POP4: variants seen among roughly 807,000 people sequenced by gnomAD.
POP4 encodes the protein ribonuclease P protein subunit p29.
POP4 carries 31 observed loss-of-function variants against 29.9 expected under a neutral mutation model. The ratio of observed to expected loss-of-function variants is 1.04; its 90% CI spans 0.78 to 1.40. The LOEUF is 1.40. Among genes scored for constraint, POP4 ranks in the 40% most tolerant of loss-of-function variants. The pLI is 0.00. For missense variants in POP4, 286 were observed against 282.7 expected (o/e 1.01, Z -0.08); for synonymous variants, 110 against 108.2 (o/e 1.02, Z -0.10).
In POP4 at chr19:29,615,554, G is replaced by A; in HGVS notation, c.*174G>A. 1 of 592,752 alleles carries A rather than the reference G, an allele frequency of 1.7e-6. No individual in the cohort carries two copies. Among genetic ancestry groups the A allele is most frequent in the South Asian group, 3.1e-5 (1 of 32,070 alleles). 36.7% of individuals were successfully genotyped at this position (592,752 alleles called of 1,614,324 possible). A position where few individuals can be genotyped will look rare whatever the true frequency, so the allele number is the denominator to read the frequency against. On this transcript the variant is annotated 3_prime_UTR_variant, in exon 7 of 7. Coordinates refer to ENST00000585603, the MANE Select transcript of POP4 (RefSeq NM_006627.3). ...ATGGGAAGGTCGCAGCGTACTAAGT[G>A]AAGAAGTCAGAGGACAGAGGAATTT...
rs1027930837 is a variant in POP4, at chr19:29,607,981, G to T, written c.8-676G>T. Among the ~76,000 whole-genome samples, 10 of 152,342 alleles carry T rather than the reference G, an allele frequency of 6.6e-5. 1 individual carries two copies. The South Asian group carries it at 2.1e-3, about 32-fold the overall frequency. On this transcript the variant is annotated intron_variant, in intron 1 of 6. Coordinates refer to ENST00000585603, the MANE Select transcript of POP4 (RefSeq NM_006627.3). ...TCAAAATGTGATTCACTGACCTGCA[G>T]TAGTATCTGGGAATATGTTAAACAC...
chr19:29,610,469 C>A lies in POP4; in HGVS notation c.121C>A (p.Arg41Ser). 1 of 1,603,048 alleles carries A rather than the reference C, an allele frequency of 6.2e-7. No homozygotes were observed. The highest frequency in any genetic ancestry group is 8.5e-7 in the Non-Finnish European group (1 of 1,175,006). ...GGCCTTCCTGAAGCGCAGCACGCCC[C>A]GCATGAGCCCGCAGGCCCGCGAGGA... ...VRAFLKRSTP[R>S]MSPQAREDQL... is the part of the protein sequence containing the mutation. The change falls in exon 3 of 7, where the codon CGC becomes AGC. Residue 41 changes from arginine to serine, a missense_variant. By Grantham distance (110) the Arg-to-Ser change is moderately radical (BLOSUM62 -1). Coordinates refer to ENST00000585603, the MANE Select transcript of POP4 (RefSeq NM_006627.3).
intron 1 of POP4, among the ~76,000 whole-genome samples, chr19:29,608,298 A>ACT (rs1420450688): frequency 8.8e-6 from 1 of 113,628 alleles, no homozygotes; most frequent in Non-Finnish European, 1.6e-5. Context: ...ACAGAGTCTC[A>ACT]CTCTGTCACC....
In POP4 at chr19:29,616,043, C is replaced by T. The variant is rs2145560660; in HGVS notation, c.*663C>T. 1 of 152,334 alleles carries T rather than the reference C, an allele frequency of 6.6e-6. No individual in the cohort carries two copies. The highest frequency in any genetic ancestry group is 1.5e-5 in the Non-Finnish European group (1 of 68,058). 9.4% of individuals were successfully genotyped at this position (152,334 alleles called of 1,614,324 possible). A position where few individuals can be genotyped will look rare whatever the true frequency, so the allele number is the denominator to read the frequency against. On this transcript the variant is annotated 3_prime_UTR_variant, in exon 7 of 7. Coordinates refer to ENST00000585603, the MANE Select transcript of POP4 (RefSeq NM_006627.3). ...TGCAGCTGTGCCCATGCATGGTTGC[C>T]CCAGCGTAGTGAGATGGGACCTGCC...
At chr19:29,613,439 T>G (rs1599487598) in intron 5 of POP4, among the ~76,000 whole-genome samples, 1 of 152,174 alleles carries the variant, frequency 6.6e-6, no homozygotes, top group Non-Finnish European at 1.5e-5. Context: ...CATCTCGCAG[T>G]GCTGGCTGCT....
chr19:29,615,142 T>C lies in POP4; in HGVS notation c.527-102T>C. On this transcript the variant is annotated intron_variant, in intron 6 of 6. Transcript: ENST00000585603. The stretch of plus-strand genomic sequence containing the variant: ...TCCCGTTTCCTATTAGCTTATTTTT[T>C]TCATTCAATGTGTTCTGAATAATAT... 5 of 1,324,154 alleles carry C rather than the reference T, an allele frequency of 3.8e-6. No homozygotes were observed. The South Asian group carries it at 8.7e-5, about 23-fold the overall frequency. The allele number at this position is 1,324,154 out of a possible 1,614,324, so 82.0% of individuals were successfully genotyped here.
At position 29,608,262 on chromosome 19, in the gene POP4, C is replaced by CTTTTTTTTTT; in HGVS notation, c.8-382_8-373dup. ...TAGTTATTTTCTTTTCTTTTCTTTT[C>CTTTTTTTTTT]TTTTTTTTTTTTTTTTTTTTTTGAG... On this transcript the variant is annotated intron_variant, in intron 1 of 6. Coordinates refer to ENST00000585603, the MANE Select transcript of POP4 (RefSeq NM_006627.3). Among the ~76,000 whole-genome samples the CTTTTTTTTTT allele has an allele frequency of 6.7e-3, 580 of 86,504 alleles. 2 individuals carry two copies. The highest frequency in any genetic ancestry group is 0.011 in the Middle Eastern group (1 of 94). The allele number at this position is 86,504 out of a possible 152,430, so 56.7% of individuals were successfully genotyped here.
At chr19:29,612,464 C>T (rs1971081452) in intron 5 of POP4, among the ~76,000 whole-genome samples, 1 of 152,154 alleles carries the variant, frequency 6.6e-6, no homozygotes. Context: ...CGAGCACTCA[C>T]CCACGGCCTG....
chr19:29,609,321 CCACCATCA>C (rs1198796110), intron 2 of POP4: 2 of 152,442 alleles, frequency 1.3e-5, no homozygotes, highest in African/African-American at 4.8e-5. Flanking sequence ...AGCAGAGTTC[CCACCATCA>C]TACTGTGAGC....
chr19:29,612,320 A>C, intron 5 of POP4, 142 bp downstream of exon 5: 1 of 793,518 alleles, frequency 1.3e-6, no homozygotes, highest in Non-Finnish European at 2.0e-6. Context: ...CATCATCCCC[A>C]CGCTAAGGGT....
chr19:29,608,296 TCA>T (rs1186686754), intron 1 of POP4, among the ~76,000 whole-genome samples: 1 of 134,240 alleles, frequency 7.4e-6, no homozygotes, highest in Non-Finnish European at 1.5e-5. Flanking sequence ...AGACAGAGTC[TCA>T]CTCTGTCACC....
intron 1 of POP4, 158 bp downstream of exon 1, chr19:29,606,483 A>G: frequency 1.2e-6 from 1 of 817,746 alleles, no homozygotes; most frequent in Non-Finnish European, 1.8e-6. Flanking sequence ...TGAGGGCTGG[A>G]GCACGGGTTA....
chr19:29,611,950 T>C lies in POP4; in HGVS notation c.362+11T>C, dbSNP rs761806498. ...GCTCAAGCCAGACACGTAAGTTGCA[T>C]TCCTGAAGCTTTGCTCTTTGGGGTG... On this transcript the variant is annotated intron_variant, in intron 4 of 6. Coordinates refer to ENST00000585603, the MANE Select transcript of POP4 (RefSeq NM_006627.3). 16 of 1,612,048 alleles carry C rather than the reference T, an allele frequency of 9.9e-6. No homozygotes were observed. Among genetic ancestry groups the C allele is most frequent in the Non-Finnish European group, 1.4e-5 (16 of 1,178,070 alleles).
In POP4 at chr19:29,613,869, A is replaced by G; in HGVS notation, c.425-2A>G. The stretch of plus-strand genomic sequence containing the variant: ...GCCTGGAACTGTCCTTTTTCTTTGC[A>G]GTGACAAAATCCAAATGCCCCTCTT... On this transcript the variant is annotated splice_acceptor_variant, in intron 5 of 6. Transcript: ENST00000585603. LOFTEE classifies it high-confidence loss of function. 6.2e-7 allele frequency: 1 copy of G among 1,610,948 alleles called. No individual in the cohort carries two copies. The highest frequency in any genetic ancestry group is 8.5e-7 in the Non-Finnish European group (1 of 1,178,866).
intron 1 of POP4, 78 bp downstream of exon 1, chr19:29,606,403 C>G (rs769092849): frequency 6.8e-7 from 1 of 1,480,030 alleles, no homozygotes; most frequent in East Asian, 2.6e-5. Context: ...GAAATGGGTC[C>G]GGGCTACCTG....
chr19:29,608,769 C>A, intron 2 of POP4, 60 bp downstream of exon 2: 1 of 1,477,374 alleles, frequency 6.8e-7, no homozygotes, highest in African/African-American at 1.4e-5. Context: ...GGCTCAGTAG[C>A]TTCTGAGCCC....
At chr19:29,614,107 A>G in intron 6 of POP4, 135 bp downstream of exon 6, 3 of 1,440,844 alleles carry the variant, frequency 2.1e-6, no homozygotes, top group African/African-American at 1.4e-5. Flanking sequence ...CTGAACCTGC[A>G]TTAAAGCCTG....
intron 3 of POP4, 75 bp downstream of exon 3, chr19:29,610,707 G>T: frequency 6.8e-7 from 1 of 1,460,326 alleles, no homozygotes; most frequent in Non-Finnish European, 9.3e-7. Flanking sequence ...TGAGTGGCTG[G>T]GGAGGCAGCC....
chr19:29,608,983 C>T (rs981084463), intron 2 of POP4: 1 of 361,800 alleles, frequency 2.8e-6, no homozygotes, highest in Non-Finnish European at 5.1e-6. Flanking sequence ...CCAGGCTGTG[C>T]CCACGTGGTG....
Sources: allele counts gnomAD v4.1 joint callset (sites outside exome capture counted in the v4.1 genomes callset), GRCh38; gene constraint gnomAD v4.1.1; transcripts MANE v1.5; gene names NCBI Gene and HGNC (gene_info 2026-07-23, HGNC 2026-07-21).